Variants in ROBO1 observed in about 807,000 individuals in gnomAD.
The protein encoded by ROBO1 is roundabout guidance receptor 1, also known as roundabout homolog 1.
ROBO1 carries 149 observed loss-of-function variants against 195.9 expected under a neutral mutation model. That is an observed-to-expected ratio of 0.76 (90% CI 0.67 to 0.87). The LOEUF is 0.87. ROBO1 is among the 40% of genes least tolerant of loss of function. The pLI, the probability that ROBO1 is intolerant of heterozygous loss-of-function variation, is 0.00. For synonymous variants in ROBO1, 816 were observed against 733.2 expected (o/e 1.11, Z -1.82); for missense variants, 1,933 against 2,068.3 (o/e 0.93, Z 1.27).
At chr3:79,430,038 T>C (rs990114057) in intron 2 of ROBO1, among the ~76,000 whole-genome samples, 1 of 151,984 alleles carries the variant, frequency 6.6e-6, no homozygotes, top group Non-Finnish European at 1.5e-5. Flanking sequence ...GGTTTTCAAA[T>C]TTAGCCATAG....
intron 3 of ROBO1, among the ~76,000 whole-genome samples, chr3:78,976,313 G>C (rs1365314057): frequency 6.6e-6 from 1 of 152,164 alleles, no homozygotes; most frequent in Non-Finnish European, 1.5e-5. Flanking sequence ...GAAGAATAGA[G>C]GAAAAGGATA....
chr3:79,166,577 T>G (rs1417794601), intron 2 of ROBO1, among the ~76,000 whole-genome samples: 1 of 150,142 alleles, frequency 6.7e-6, no homozygotes, highest in Non-Finnish European at 1.5e-5. Flanking sequence ...TTTTTTTTTT[T>G]ATTTTTGAGA....
intron 2 of ROBO1, among the ~76,000 whole-genome samples, chr3:79,136,612 G>C (rs2080413935): frequency 6.6e-6 from 1 of 152,130 alleles, no homozygotes; most frequent in South Asian, 2.1e-4. Flanking sequence ...CATTTAATTA[G>C]AAACGTAGGC....
intron 2 of ROBO1, among the ~76,000 whole-genome samples, chr3:79,191,522 G>A (rs1352837366): frequency 6.6e-6 from 1 of 151,142 alleles, no homozygotes; most frequent in Non-Finnish European, 1.5e-5. Context: ...TGTGTGAAGT[G>A]CACATTAAGG....
At chr3:79,748,250 C>T (rs891184394) in intron 1 of ROBO1, among the ~76,000 whole-genome samples, 7 of 152,020 alleles carry the variant, frequency 4.6e-5, no homozygotes, top group Non-Finnish European at 8.8e-5. Context: ...CTTAGTGAAA[C>T]ATTATTTGGG....
intron 2 of ROBO1, among the ~76,000 whole-genome samples, chr3:79,541,188 A>T (rs1021907989): frequency 6.6e-5 from 10 of 152,130 alleles, no homozygotes; most frequent in African/African-American, 2.4e-4. Context: ...CATCAGCAAC[A>T]CCAGTTACAG....
intron 5 of ROBO1, among the ~76,000 whole-genome samples, chr3:78,740,448 T>TC (rs1280174929): frequency 1.5e-4 from 4 of 26,062 alleles, no homozygotes; most frequent in African/African-American, 2.0e-4. Flanking sequence ...TTATTTTTCT[T>TC]TTTTTCTTTC....
intron 4 of ROBO1, among the ~76,000 whole-genome samples, chr3:78,871,014 T>C (rs1052971090): frequency 3.9e-5 from 6 of 152,192 alleles, no homozygotes; most frequent in Admixed American, 6.6e-5. Context: ...TCCTGGAATA[T>C]AGAAAGCACC....
At chr3:79,002,757 T>C (rs1285080338) in intron 3 of ROBO1, among the ~76,000 whole-genome samples, 2 of 152,076 alleles carry the variant, frequency 1.3e-5, no homozygotes, top group Non-Finnish European at 2.9e-5. Flanking sequence ...TGTAACTTAA[T>C]TAGTAGAGAA....
At chr3:78,937,103 T>C (rs1398353927) in intron 4 of ROBO1, among the ~76,000 whole-genome samples, 1 of 152,224 alleles carries the variant, frequency 6.6e-6, no homozygotes, top group East Asian at 1.9e-4. Flanking sequence ...TCTAATTATA[T>C]TTTACACTCA....
intron 3 of ROBO1, among the ~76,000 whole-genome samples, chr3:78,941,893 A>C (rs1468538852): frequency 1.3e-5 from 2 of 152,216 alleles, no homozygotes; most frequent in Admixed American, 1.3e-4. Flanking sequence ...AATGTTAAGC[A>C]ATGGATGAGT....
intron 2 of ROBO1, among the ~76,000 whole-genome samples, chr3:79,514,454 G>T (rs907405079): frequency 5.9e-5 from 9 of 151,942 alleles, no homozygotes; most frequent in Non-Finnish European, 1.3e-4. Context: ...AATTTCTTTT[G>T]GTCAATATCA....
At chr3:78,921,569 T>A (rs2038940056) in intron 4 of ROBO1, among the ~76,000 whole-genome samples, 1 of 152,222 alleles carries the variant, frequency 6.6e-6, no homozygotes, top group Non-Finnish European at 1.5e-5. Context: ...TTGTTCGCAA[T>A]ATAAGCTCAC....
intron 1 of ROBO1, among the ~76,000 whole-genome samples, chr3:79,689,901 G>T (rs150988878): frequency 6.6e-6 from 1 of 152,004 alleles, no homozygotes; most frequent in East Asian, 1.9e-4. Context: ...ATTAAGAATT[G>T]ATTATAGGAC....
intron 2 of ROBO1, among the ~76,000 whole-genome samples, chr3:79,172,315 T>C (rs1446431476): frequency 2.0e-5 from 3 of 152,184 alleles, no homozygotes; most frequent in African/African-American, 2.4e-5. Context: ...TATAAATGCA[T>C]ACAAACAAAT....
At chr3:78,861,346 G>T (rs528683255) in intron 4 of ROBO1, among the ~76,000 whole-genome samples, 7 of 152,078 alleles carry the variant, frequency 4.6e-5, no homozygotes, top group Admixed American at 3.9e-4. Flanking sequence ...CATGTCTACC[G>T]GCACAATCCT....
chr3:79,484,050 C>T (rs1939014676), intron 2 of ROBO1, among the ~76,000 whole-genome samples: 1 of 152,148 alleles, frequency 6.6e-6, no homozygotes, highest in Admixed American at 6.5e-5. Flanking sequence ...ATTTAATATA[C>T]CACTTGTTAG....
chr3:79,468,556 T>A (rs551213292), intron 2 of ROBO1, among the ~76,000 whole-genome samples: 41 of 152,300 alleles, frequency 2.7e-4, no homozygotes, highest in African/African-American at 9.1e-4. Flanking sequence ...GTGGCAAGCT[T>A]AATCAAAGAA....
At chr3:78,689,674 G>A (rs2081128434) in intron 8 of ROBO1, among the ~76,000 whole-genome samples, 1 of 152,008 alleles carries the variant, frequency 6.6e-6, no homozygotes, top group Non-Finnish European at 1.5e-5. Context: ...TCTTGTCTCG[G>A]TTTAAATTGA....
Sources: allele counts gnomAD v4.1 joint callset (sites outside exome capture counted in the v4.1 genomes callset), GRCh38; gene constraint gnomAD v4.1.1; transcripts MANE v1.5; gene names NCBI Gene and HGNC (gene_info 2026-07-23, HGNC 2026-07-21).